Variants in RIMKLB observed in about 807,000 individuals in gnomAD.
RIMKLB encodes beta-citrylglutamate synthase B.
Under a neutral mutation model 32.0 loss-of-function variants are expected in RIMKLB, and 7 were observed. The observed-to-expected ratio is 0.22, with a 90% CI of 0.12 to 0.41. RIMKLB has a LOEUF of 0.41. Ranked by LOEUF, RIMKLB falls within the 10% of genes least tolerant of loss-of-function variation. The pLI, the probability that RIMKLB is intolerant of heterozygous loss-of-function variation, is 1.00. For synonymous variants in RIMKLB, 172 were observed against 185.1 expected, an observed-to-expected ratio of 0.93 and a Z score of 0.57; for missense variants, 289 against 498.7, an observed-to-expected ratio of 0.58 and a Z score of 4.00.
chr12:8,766,169 GTCCTAGAGCGTCCTCT>G (rs1246308649), intron 5 of RIMKLB, among the ~76,000 whole-genome samples: 1 of 152,124 alleles, frequency 6.6e-6, no homozygotes, highest in Non-Finnish European at 1.5e-5. Context: ...ATGAGCATTA[GTCCTAGAGCGTCCTCT>G]ATGGTCTTAA....
Position 8,775,912 on chromosome 12 carries a change from C to T in RIMKLB, c.*2128C>T, listed in dbSNP as rs1950699558. The T allele has an allele frequency of 1.0e-6, 1 of 984,904 alleles. No individual in the cohort carries two copies. Among genetic ancestry groups the T allele is most frequent in the African/African-American group, 1.7e-5 (1 of 57,218 alleles). The allele number at this position is 984,904 out of a possible 1,614,324, so 61.0% of individuals were successfully genotyped here. On this transcript the variant is annotated 3_prime_UTR_variant, in exon 6 of 6. Coordinates refer to ENST00000535829, the MANE Select transcript of RIMKLB (RefSeq NM_001297776.2). Reference sequence around the variant, plus strand: ...CATACATATATTAATACCTCTGACTCATTAACAGAAAGAAATACTTGGTAC... The same window carrying T: ...CATACATATATTAATACCTCTGACTTATTAACAGAAAGAAATACTTGGTAC...
In RIMKLB at chr12:8,774,397, A is replaced by ATGGG; in HGVS notation, c.*615_*616insGGTG. The ATGGG allele has an allele frequency of 1.0e-6, 1 of 985,830 alleles. No homozygotes were observed. The highest frequency in any genetic ancestry group is 1.2e-6 in the Non-Finnish European group (1 of 829,912). The allele number at this position is 985,830 out of a possible 1,614,324, so 61.1% of individuals were successfully genotyped here. Reference sequence around the variant, plus strand: ...AATATAACCCAATAAAGGCTTCTTAATGACAAAATTGGCATGTTTGCATGA... The same window carrying ATGGG: ...AATATAACCCAATAAAGGCTTCTTAATGGGTGACAAAATTGGCATGTTTGCATGA... On this transcript the variant is annotated 3_prime_UTR_variant, in exon 6 of 6. Coordinates refer to ENST00000535829, the MANE Select transcript of RIMKLB (RefSeq NM_001297776.2).
intron 1 of RIMKLB, among the ~76,000 whole-genome samples, chr12:8,683,749 T>TTTTG (rs1197690174): frequency 6.6e-6 from 1 of 152,172 alleles, no homozygotes; most frequent in Non-Finnish European, 1.5e-5. Flanking sequence ...AATTTTGGTT[T>TTTTG]TTTGTTTGTT....
chr12:8,683,662 C>G (rs1364712924), intron 1 of RIMKLB, among the ~76,000 whole-genome samples: 1 of 152,150 alleles, frequency 6.6e-6, no homozygotes, highest in South Asian at 2.1e-4. Context: ...CCAGAAGTGT[C>G]TTTTGCAAAT....
intron 2 of RIMKLB, among the ~76,000 whole-genome samples, chr12:8,737,437 A>T (rs1034933299): frequency 1.3e-5 from 2 of 152,308 alleles, no homozygotes; most frequent in African/African-American, 4.8e-5. Flanking sequence ...ATCAGGAGGC[A>T]TATACCCATT....
At chr12:8,707,063 C>G (rs745539142) in intron 1 of RIMKLB, among the ~76,000 whole-genome samples, 1 of 152,280 alleles carries the variant, frequency 6.6e-6, no homozygotes, top group South Asian at 2.1e-4. Flanking sequence ...AAACAACATT[C>G]AATGTGCTTT....
chr12:8,780,114 T>C (rs1950945246), downstream of RIMKLB: 1 of 152,222 alleles, frequency 6.6e-6, no homozygotes. Flanking sequence ...CTCAAGCAGG[T>C]AAAGCACCTA....
intron 1 of RIMKLB, among the ~76,000 whole-genome samples, chr12:8,705,051 G>A (rs1450496353): frequency 1.3e-5 from 2 of 151,910 alleles, no homozygotes; most frequent in Admixed American, 6.6e-5. Flanking sequence ...ATAGGTAAGT[G>A]TTTGGGGTAT....
At chr12:8,741,635 C>A (rs1257208684) in intron 2 of RIMKLB, among the ~76,000 whole-genome samples, 3 of 150,908 alleles carry the variant, frequency 2.0e-5, no homozygotes, top group Non-Finnish European at 4.4e-5. Flanking sequence ...AAAAAATTAG[C>A]CTGGCGTGAT....
rs981372452 is a variant in RIMKLB, at chr12:8,698,192, C to A, written c.-162C>A. 1.4e-5 allele frequency: 5 copies of A among 355,630 alleles called. No homozygotes were observed. The highest frequency in any genetic ancestry group is 1.1e-4 in the African/African-American group (5 of 44,600). The allele number at this position is 355,630 out of a possible 1,614,324, so 22.0% of individuals were successfully genotyped here. ...GGCTCCCGGTATCCCGACCCCCTCC[C>A]CCTCCTCTCCTTCCCCCACTTCCAG... On this transcript the variant is annotated 5_prime_UTR_variant, in exon 1 of 6. Transcript: ENST00000535829.
intron 2 of RIMKLB, among the ~76,000 whole-genome samples, chr12:8,741,923 C>CTTTTTTTTTTTTTTTT (rs145008488): frequency 6.8e-6 from 1 of 146,798 alleles, no homozygotes; most frequent in African/African-American, 2.6e-5. Context: ...AAAAGGAGAG[C>CTTTTTTTTTTTTTTTT]TTTTTTTTTT....
intron 1 of RIMKLB, among the ~76,000 whole-genome samples, chr12:8,711,295 C>T (rs1028737260): frequency 6.6e-6 from 1 of 151,168 alleles, no homozygotes; most frequent in Non-Finnish European, 1.5e-5. Context: ...ACTTGGGAGG[C>T]AGAGGAGACA....
chr12:8,669,823 T>G, the RIMKLB span, among the ~76,000 whole-genome samples: 4 of 151,464 alleles, frequency 2.6e-5, no homozygotes, highest in Admixed American at 1.3e-4. Flanking sequence ...GTCAGGAGAT[T>G]GAGACCATCC....
At chr12:8,683,407 C>A (rs1942471785) in intron 1 of RIMKLB, among the ~76,000 whole-genome samples, 1 of 152,166 alleles carries the variant, frequency 6.6e-6, no homozygotes, top group Non-Finnish European at 1.5e-5. Context: ...TGCTTCACAG[C>A]CTCCCCAGCA....
intron 5 of RIMKLB, among the ~76,000 whole-genome samples, chr12:8,768,138 A>G (rs754883051): frequency 2.0e-5 from 3 of 152,190 alleles, no homozygotes; most frequent in Non-Finnish European, 4.4e-5. Flanking sequence ...TGGGTCACGG[A>G]AGAGAACTGT....
At chr12:8,772,641 C>T (rs544403678) in intron 5 of RIMKLB, among the ~76,000 whole-genome samples, 2 of 152,206 alleles carry the variant, frequency 1.3e-5, no homozygotes, top group African/African-American at 4.8e-5. Context: ...TTTTTGGGGT[C>T]AAACACTACG....
At chr12:8,692,755 G>C (rs760747113), upstream of RIMKLB, among the ~76,000 whole-genome samples, 1 of 152,216 alleles carries the variant, frequency 6.6e-6, no homozygotes, top group Non-Finnish European at 1.5e-5. Flanking sequence ...GTGGAGAAAG[G>C]CTAGATCAGT....
At position 8,773,795 on chromosome 12, in the gene RIMKLB, A is replaced by C. The variant is rs1950576879; in HGVS notation, c.*11A>C. The C allele has an allele frequency of 1.3e-6, 2 of 1,592,992 alleles. No individual in the cohort carries two copies. ...CTACTGGTGGACTGACTCCACTGGT[A>C]ATTAACCAACAAAACCCTTGTAAAA... On this transcript the variant is annotated 3_prime_UTR_variant, in exon 6 of 6. Coordinates refer to ENST00000535829, the MANE Select transcript of RIMKLB (RefSeq NM_001297776.2).
chr12:8,709,690 A>G (rs749715967), intron 1 of RIMKLB, among the ~76,000 whole-genome samples: 7 of 152,222 alleles, frequency 4.6e-5, no homozygotes, highest in Admixed American at 1.3e-4. Context: ...CCCTGGTTTC[A>G]CTTTCTGTGG....
Sources: gnomAD v4.1 joint callset for allele counts (sites outside exome capture counted in the v4.1 genomes callset) on GRCh38, gnomAD v4.1.1 for gene constraint, MANE v1.5 for transcripts, NCBI Gene and HGNC (gene_info 2026-07-23, HGNC 2026-07-21) for gene names.